FOSL2: variants seen among roughly 807,000 people sequenced by gnomAD.
FOSL2 encodes the protein FOS like 2, AP-1 transcription factor subunit.
A neutral mutation model predicts 27.7 loss-of-function variants in FOSL2; 3 were observed. The ratio of observed to expected loss-of-function variants is 0.11; its 90% CI spans 0.05 to 0.28. The LOEUF is 0.28. Ranked by LOEUF, FOSL2 falls within the 10% of genes least tolerant of loss-of-function variation. FOSL2 has a pLI of 1.00. For missense variants in FOSL2, 333 were observed against 445.1 expected (o/e 0.75, Z 2.27); for synonymous variants, 179 against 190.1 (o/e 0.94, Z 0.48).
In FOSL2 at chr2:28,402,352, G is replaced by T. The variant is rs531229725; in HGVS notation, c.103-1755G>T. Among the ~76,000 whole-genome samples, 4 of 152,408 alleles carry T rather than the reference G, an allele frequency of 2.6e-5. No homozygotes were observed. In the South Asian group the frequency reaches 8.3e-4, roughly 32 times the overall value. On this transcript the variant is annotated intron_variant, in intron 1 of 3. Coordinates refer to ENST00000264716, the MANE Select transcript of FOSL2 (RefSeq NM_005253.4). ...TTGGCCTGGGCCCCCGAGGTGGTCT[G>T]GTTGATGAGGCAGCCGTTCCAACAT... is the stretch of plus-strand genomic sequence containing the variant.
At chr2:28,409,485 C>T (rs1459982010) in intron 3 of FOSL2, among the ~76,000 whole-genome samples, 3 of 152,208 alleles carry the variant, frequency 2.0e-5, no homozygotes, top group Admixed American at 1.3e-4. Context: ...TCCCGTGCCG[C>T]CTAATTGCCC....
chr2:28,414,909 A>C lies in FOSL2; in HGVS notation c.*2461A>C, dbSNP rs948686915. The stretch of plus-strand genomic sequence containing the variant: ...CAGGCTTTGTCATAGGAGGTCGTTC[A>C]GCTTCCCCAAAGTCAGAGGTGATTT... On this transcript the variant is annotated 3_prime_UTR_variant, in exon 4 of 4. Coordinates refer to ENST00000264716, the MANE Select transcript of FOSL2 (RefSeq NM_005253.4). 5.3e-5 allele frequency: 8 copies of C among 152,232 alleles called. No individual in the cohort carries two copies. The highest frequency in any genetic ancestry group is 2.6e-4 in the Admixed American group (4 of 15,278). 9.4% of individuals were successfully genotyped at this position (152,232 alleles called of 1,614,324 possible).
Position 28,393,551 on chromosome 2 carries a change from T to C in FOSL2, c.-170T>C, listed in dbSNP as rs1663727260. 1 of 579,064 alleles carries C rather than the reference T, an allele frequency of 1.7e-6. No individual in the cohort carries two copies. The allele number at this position is 579,064 out of a possible 1,614,324, so 35.9% of individuals were successfully genotyped here. On this transcript the variant is annotated 5_prime_UTR_variant, in exon 1 of 4. Transcript: ENST00000264716. This position sits in a 1 kb window ranked among gnomAD's most constrained non-coding sequence, Gnocchi z 4.6. ...CTCGGGGGACGCTGTTCCTGAGGTGTCGCCGCCTCCCTGTCCTCGCCCTCC... is the reference window on the plus strand; with the variant it reads ...CTCGGGGGACGCTGTTCCTGAGGTGCCGCCGCCTCCCTGTCCTCGCCCTCC...
Position 28,413,158 on chromosome 2 carries a change from C to T in FOSL2, c.*710C>T, listed in dbSNP as rs189093820. On this transcript the variant is annotated 3_prime_UTR_variant, in exon 4 of 4. Coordinates refer to ENST00000264716, the MANE Select transcript of FOSL2 (RefSeq NM_005253.4). ...TCAGAGGACCCTTCCTGCCCACCTT[C>T]GGAGACGGCTTCTGGAGGAACGGCT... The T allele has an allele frequency of 2.6e-4, 57 of 219,378 alleles. No individual in the cohort carries two copies. Among genetic ancestry groups the T allele is most frequent in the Admixed American group, 2.0e-3 (34 of 17,150 alleles). 13.6% of individuals were successfully genotyped at this position (219,378 alleles called of 1,614,324 possible).
chr2:28,393,383 G>T lies in FOSL2; in HGVS notation c.-338G>T. 3.2e-6 allele frequency: 1 copy of T among 309,158 alleles called. No homozygotes were observed. Among genetic ancestry groups the T allele is most frequent in the Non-Finnish European group, 6.0e-6 (1 of 167,216 alleles). The allele number at this position is 309,158 out of a possible 1,614,324, so 19.2% of individuals were successfully genotyped here. Reference sequence around the variant, plus strand: ...ATTTTTGATTGGGCCGTGGGTCCCCGCTGAGCTCCGGCTGCGCGCGGGGGC... The same window carrying T: ...ATTTTTGATTGGGCCGTGGGTCCCCTCTGAGCTCCGGCTGCGCGCGGGGGC... On this transcript the variant is annotated 5_prime_UTR_variant, in exon 1 of 4. Coordinates refer to ENST00000264716, the MANE Select transcript of FOSL2 (RefSeq NM_005253.4). This position sits in a 1 kb window ranked among gnomAD's most constrained non-coding sequence, Gnocchi z 4.6.
chr2:28,400,569 C>T (rs970240423), intron 1 of FOSL2, among the ~76,000 whole-genome samples: 1 of 152,158 alleles, frequency 6.6e-6, no homozygotes, highest in Admixed American at 6.5e-5. Context: ...GAGCCCCGGG[C>T]CCCTCTGGGG....
At chr2:28,407,157 T>C (rs1664101890) in intron 2 of FOSL2, among the ~76,000 whole-genome samples, 1 of 152,158 alleles carries the variant, frequency 6.6e-6, no homozygotes, top group African/African-American at 2.4e-5. Flanking sequence ...CCAGCCTCCT[T>C]CTTTTCTGCC....
At position 28,414,049 on chromosome 2, in the gene FOSL2, C is replaced by T. The variant is rs1159537998; in HGVS notation, c.*1601C>T. ...CTGCTGAGTTTCTTGTCCAGCAGGG[C>T]CTTGACAGGAATCCAGGGAGTAGCT... On this transcript the variant is annotated 3_prime_UTR_variant, in exon 4 of 4. Transcript: ENST00000264716. 1 of 386,594 alleles carries T rather than the reference C, an allele frequency of 2.6e-6. No homozygotes were observed. The highest frequency in any genetic ancestry group is 4.5e-5 in the Admixed American group (1 of 22,294). The allele number at this position is 386,594 out of a possible 1,614,324, so 23.9% of individuals were successfully genotyped here. A position where few individuals can be genotyped will look rare whatever the true frequency, so the allele number is the denominator to read the frequency against.
chr2:28,407,476 A>AG (rs780906950), intron 2 of FOSL2, among the ~76,000 whole-genome samples: 20 of 152,214 alleles, frequency 1.3e-4, no homozygotes, highest in Non-Finnish European at 2.5e-4. Flanking sequence ...CCAGGGCTAA[A>AG]GGGAGCATTG....
At chr2:28,403,756 T>A (rs907300950) in intron 1 of FOSL2, among the ~76,000 whole-genome samples, 6 of 152,152 alleles carry the variant, frequency 3.9e-5, no homozygotes, top group Non-Finnish European at 4.4e-5. Context: ...TGCAGATGTG[T>A]ATCCTGGAGA....
In FOSL2 at chr2:28,404,236, C is replaced by A; in HGVS notation, c.232C>A (p.Arg78Ser). 6.2e-7 allele frequency: 1 copy of A among 1,614,186 alleles called. No individual in the cohort carries two copies. ...VITSMSNPYP[R>S]SHPYSPLPGL... ...CACCTCCATGTCCAACCCATACCCT[C>A]GCTCGCACCCCTACAGCCCCCTGCC... Residue 78 changes from arginine (R) to serine (S), a missense_variant, in exon 2 of 4, where the codon CGC becomes AGC. This residue lies in a region of FOSL2 where 131 missense variants were observed against 157.9 expected (regional missense o/e 0.83). Coordinates refer to ENST00000264716, the MANE Select transcript of FOSL2 (RefSeq NM_005253.4). This position sits in a 1 kb window ranked among gnomAD's most constrained non-coding sequence, Gnocchi z 4.7.
rs1026594565 is a variant in FOSL2, at chr2:28,413,363, A to G, written c.*915A>G. 7.6e-6 allele frequency: 3 copies of G among 397,196 alleles called. No homozygotes were observed. Among genetic ancestry groups the G allele is most frequent in the African/African-American group, 2.1e-5 (1 of 48,474 alleles). The allele number at this position is 397,196 out of a possible 1,614,324, so 24.6% of individuals were successfully genotyped here. ...TACTGCCTTGCCATTCTGCCCCTGG[A>G]CCCTTCTCTCCGGACCAGGGAGGCG... On this transcript the variant is annotated 3_prime_UTR_variant, in exon 4 of 4. Coordinates refer to ENST00000264716, the MANE Select transcript of FOSL2 (RefSeq NM_005253.4).
Position 28,416,437 on chromosome 2 carries a change from C to A in FOSL2, c.*3989C>A, listed in dbSNP as rs886438059. The A allele has an allele frequency of 5.4e-5, 8 of 148,214 alleles. No homozygotes were observed. In the Admixed American group the frequency reaches 5.4e-4, roughly 10 times the overall value. 9.2% of individuals were successfully genotyped at this position (148,214 alleles called of 1,614,324 possible). A position where few individuals can be genotyped will look rare whatever the true frequency, so the allele number is the denominator to read the frequency against. On this transcript the variant is annotated 3_prime_UTR_variant, in exon 4 of 4. Transcript: ENST00000264716. ...AATAGAAACTGATAGCATTAAAATA[C>A]TCCGTTCCTCTCTCTCTTCTCGCTT...
At chr2:28,398,477 C>G (rs1224613243) in intron 1 of FOSL2, among the ~76,000 whole-genome samples, 1 of 152,232 alleles carries the variant, frequency 6.6e-6, no homozygotes, top group Non-Finnish European at 1.5e-5. Flanking sequence ...TGTGGGGGCT[C>G]CAAAGGGGCC....
At position 28,412,174 on chromosome 2, in the gene FOSL2, C is replaced by T. The variant is rs143256884; in HGVS notation, c.707C>T (p.Ala236Val). 19 of 1,607,062 alleles carry T rather than the reference C, an allele frequency of 1.2e-5. No individual in the cohort carries two copies. The highest frequency in any genetic ancestry group is 2.7e-5 in the African/African-American group (2 of 74,692). Residue 236 changes from alanine to valine, a missense_variant, in exon 4 of 4, where the codon GCG becomes GTG. By Grantham distance (64) the Ala-to-Val change is moderately conservative. Coordinates refer to ENST00000264716, the MANE Select transcript of FOSL2 (RefSeq NM_005253.4). This position sits in a 1 kb window ranked among gnomAD's most constrained non-coding sequence, Gnocchi z 7.1. ...LEEDSPSSSSAGLDKAQRSVI... is the reference protein window; with the variant it reads ...LEEDSPSSSSVGLDKAQRSVI... ...GAGGACAGCCCCTCGTCCTCGTCGG[C>T]GGGGCTGGACAAGGCCCAGCGCTCT...
rs1663723946 is a variant in FOSL2 at position 28,393,479 on chromosome 2, T to C, written c.-242T>C. ...TAGAGGGAGGGATCGGGTGGACAAC[T>C]GGTCCCGCGGCGCTCGCAGAGCCGG... On this transcript the variant is annotated 5_prime_UTR_variant, in exon 1 of 4. Coordinates refer to ENST00000264716, the MANE Select transcript of FOSL2 (RefSeq NM_005253.4). This position sits in a 1 kb window ranked among gnomAD's most constrained non-coding sequence, Gnocchi z 4.6. 2 of 480,146 alleles carry C rather than the reference T, an allele frequency of 4.2e-6. No individual in the cohort carries two copies. The allele number at this position is 480,146 out of a possible 1,614,324, so 29.7% of individuals were successfully genotyped here. A position where few individuals can be genotyped will look rare whatever the true frequency, so the allele number is the denominator to read the frequency against.
intron 3 of FOSL2, chr2:28,410,379 C>A: frequency 5.2e-6 from 1 of 193,578 alleles, no homozygotes; most frequent in Non-Finnish European, 9.4e-6. Context: ...TTCCTTCCCT[C>A]CTCCCAGAGG....
At position 28,404,242 on chromosome 2, in the gene FOSL2, C is replaced by T. The variant is rs1664032803; in HGVS notation, c.238C>T (p.His80Tyr). The T allele has an allele frequency of 1.2e-6, 2 of 1,614,114 alleles. No individual in the cohort carries two copies. The highest frequency in any genetic ancestry group is 1.7e-6 in the Non-Finnish European group (2 of 1,180,058). ...TSMSNPYPRS[H>Y]PYSPLPGLAS... Reference sequence around the variant, plus strand: ...CATGTCCAACCCATACCCTCGCTCGCACCCCTACAGCCCCCTGCCGGGCCT... The same window carrying T: ...CATGTCCAACCCATACCCTCGCTCGTACCCCTACAGCCCCCTGCCGGGCCT... Residue 80 changes from histidine to tyrosine, a missense_variant, in exon 2 of 4, where the codon CAC (histidine) becomes TAC (tyrosine). By Grantham distance (83) the His-to-Tyr change is moderately conservative (BLOSUM62 2). This residue lies in a region of FOSL2 where 131 missense variants were observed against 157.9 expected (regional missense o/e 0.83). Transcript: ENST00000264716. The surrounding 1 kb of genome is among the most constrained non-coding windows in gnomAD (Gnocchi z 4.7).
In FOSL2 at chr2:28,413,298, TCCCTTCA is replaced by T. The variant is rs1421795915; in HGVS notation, c.*853_*859del. 7.6e-6 allele frequency: 3 copies of T among 395,174 alleles called. No individual in the cohort carries two copies. Among genetic ancestry groups the T allele is most frequent in the African/African-American group, 6.2e-5 (3 of 48,550 alleles). The allele number at this position is 395,174 out of a possible 1,614,324, so 24.5% of individuals were successfully genotyped here. A position where few individuals can be genotyped will look rare whatever the true frequency, so the allele number is the denominator to read the frequency against. On this transcript the variant is annotated 3_prime_UTR_variant, in exon 4 of 4. Transcript: ENST00000264716. Reference sequence around the variant, plus strand: ...AGCCACACGGGTGTCCTAGCCAGCTTCCCTTCACCTGGTGTCTTGAGTAGGGCGTCTC... The same window carrying T: ...AGCCACACGGGTGTCCTAGCCAGCTTCCTGGTGTCTTGAGTAGGGCGTCTC...
Sources: gnomAD v4.1 joint callset for allele counts (sites outside exome capture counted in the v4.1 genomes callset) on GRCh38, gnomAD v4.1.1 for gene constraint, gnomAD v4.1.1 regional missense constraint, Gnocchi (gnomAD v3.1) non-coding constraint, MANE v1.5 for transcripts, NCBI Gene and HGNC (gene_info 2026-07-23, HGNC 2026-07-21) for gene names.